DDC: variants seen among roughly 807,000 people sequenced by gnomAD.
DDC encodes the protein aromatic-L-amino-acid decarboxylase.
A neutral mutation model predicts 60.0 loss-of-function variants in DDC; 43 were observed. The ratio of observed to expected loss-of-function variants is 0.72; its 90% confidence interval spans 0.56 to 0.92. DDC has a LOEUF of 0.92. Among genes scored for constraint, DDC ranks in the 40% least tolerant of loss-of-function variants. DDC has a pLI of 0.00. For missense variants in DDC, 573 were observed against 620.2 expected (o/e 0.92, Z 0.81); for synonymous variants, 232 against 234.6 (o/e 0.99, Z 0.10).
intron 9 of DDC, chr7:50,492,514 C>CTT (rs2043019174): frequency 5.2e-6 from 1 of 190,586 alleles, no homozygotes; most frequent in East Asian, 1.5e-4. Context: ...CCTTTCAAGC[C>CTT]CATAGGAAGG....
rs369615710 is a variant in DDC, at chr7:50,539,864, G to A, written c.315+51C>T. 7.5e-5 allele frequency: 107 copies of A among 1,433,638 alleles called. 1 individual carries two copies. The highest frequency in any genetic ancestry group is 5.3e-4 in the African/African-American group (38 of 71,112). 88.8% of individuals were successfully genotyped at this position (1,433,638 alleles called of 1,614,324 possible). A position where few individuals can be genotyped will look rare whatever the true frequency, so the allele number is the denominator to read the frequency against. On this transcript the variant is annotated intron_variant, in intron 3 of 14. Coordinates refer to ENST00000444124, the MANE Select transcript of DDC (RefSeq NM_001082971.2). ...TGCATAGGTACCGTGTCCCCACCCC[G>A]GGATCCCACCACAGCCAGGACCCCT...
intron 1 of DDC, chr7:50,560,978 G>C (rs1052791785): frequency 1.3e-5 from 2 of 152,150 alleles, no homozygotes; most frequent in African/African-American, 4.8e-5. Flanking sequence ...CAGAGAGCTG[G>C]ACGCGTGAGC....
intron 9 of DDC, among the ~76,000 whole-genome samples, chr7:50,490,260 C>T (rs1217243176): frequency 6.6e-6 from 1 of 152,212 alleles, no homozygotes; most frequent in Non-Finnish European, 1.5e-5. Context: ...ATGTCACTTT[C>T]TAACAGGGCT....
chr7:50,543,686 C>T (rs1236783979), intron 2 of DDC, among the ~76,000 whole-genome samples, 199 bp downstream of exon 2: 1 of 152,204 alleles, frequency 6.6e-6, no homozygotes. Flanking sequence ...TCATCGTGTA[C>T]TACCTGTGTG....
At chr7:50,467,021 C>T (rs546450355) in intron 13 of DDC, among the ~76,000 whole-genome samples, 193 bp downstream of exon 13, 15 of 152,324 alleles carry the variant, frequency 9.8e-5, no homozygotes, top group African/African-American at 2.9e-4. Flanking sequence ...CTTGAGGAAG[C>T]GGGAACAGCC....
At chr7:50,519,539 A>T (rs556351493) in intron 6 of DDC, among the ~76,000 whole-genome samples, 1 of 152,370 alleles carries the variant, frequency 6.6e-6, no homozygotes, top group East Asian at 1.9e-4. Flanking sequence ...GTATATATAC[A>T]TACAATGGAA....
At chr7:50,517,825 TAAAAAA>T (rs59421951) in intron 6 of DDC, among the ~76,000 whole-genome samples, 2 of 76,196 alleles carry the variant, frequency 2.6e-5, no homozygotes, top group Non-Finnish European at 5.4e-5. Flanking sequence ...TTATAATAGC[TAAAAAA>T]AAAAAAAAAA....
intron 7 of DDC, 136 bp from the exon 8 acceptor site, chr7:50,499,378 CA>C: frequency 1.4e-6 from 1 of 701,500 alleles, no homozygotes; most frequent in Non-Finnish European, 2.6e-6. Flanking sequence ...GCTGAATCCC[CA>C]AAAGGCCCCC....
At chr7:50,489,199 G>T (rs960868991) in intron 9 of DDC, among the ~76,000 whole-genome samples, 6 of 152,022 alleles carry the variant, frequency 3.9e-5, no homozygotes, top group Non-Finnish European at 8.8e-5. Flanking sequence ...TAGAGATAAG[G>T]TCTCACCATG....
intron 4 of DDC, among the ~76,000 whole-genome samples, chr7:50,535,701 C>T (rs922984363): frequency 2.0e-5 from 3 of 152,216 alleles, no homozygotes; most frequent in Non-Finnish European, 2.9e-5. Context: ...CCCTCCATGA[C>T]TCTGAAGCAC....
chr7:50,564,499 A>G lies in DDC; in HGVS notation c.-29+786T>C, dbSNP rs73342867. On this transcript the variant is annotated intron_variant, in intron 1 of 14. Coordinates refer to ENST00000444124, the MANE Select transcript of DDC (RefSeq NM_001082971.2). The stretch of plus-strand genomic sequence containing the variant: ...AGGCAAACCTTCTAGACAGAGCCCA[A>G]TGTAAACTGACCACTCAGAAGTAAT... Among the ~76,000 whole-genome samples the G allele has an allele frequency of 8.3e-3, 1,258 of 152,350 alleles. 20 individuals are homozygous for G. The highest frequency in any genetic ancestry group is 0.029 in the African/African-American group (1,207 of 41,578).
intron 14 of DDC, 61 bp downstream of exon 14, chr7:50,463,152 A>T: frequency 7.2e-7 from 1 of 1,393,206 alleles, no homozygotes; most frequent in Non-Finnish European, 9.9e-7. Flanking sequence ...TCTGGACTCC[A>T]GGAGGACACT....
intron 6 of DDC, among the ~76,000 whole-genome samples, chr7:50,508,618 C>T (rs1481201047): frequency 6.6e-6 from 1 of 152,220 alleles, no homozygotes; most frequent in African/African-American, 2.4e-5. Context: ...TGGTTCAAAC[C>T]CTGCCAAATG....
At chr7:50,480,509 G>A (rs1045387189) in intron 9 of DDC, among the ~76,000 whole-genome samples, 5 of 152,184 alleles carry the variant, frequency 3.3e-5, no homozygotes, top group African/African-American at 9.7e-5. Flanking sequence ...TTGTAGCCAC[G>A]GTGGACAGAA....
chr7:50,499,014 C>G, intron 8 of DDC, 134 bp downstream of exon 8: 3 of 741,488 alleles, frequency 4.0e-6, no homozygotes, highest in Middle Eastern at 2.4e-4. Context: ...CTGAGGAAGT[C>G]GGAATTGGTT....
intron 13 of DDC, 117 bp downstream of exon 13, chr7:50,467,097 C>CTTTG: frequency 1.0e-6 from 1 of 968,644 alleles, no homozygotes; most frequent in Non-Finnish European, 1.7e-6. Flanking sequence ...AGAATGCAGG[C>CTTTG]TTTGCTCTGC....
chr7:50,460,721 C>T (rs973819903), intron 14 of DDC, among the ~76,000 whole-genome samples: 4 of 151,622 alleles, frequency 2.6e-5, no homozygotes, highest in African/African-American at 4.9e-5. Context: ...ATTCTTCTGC[C>T]TCGTGATCCT....
chr7:50,488,077 C>T (rs779975482), intron 9 of DDC, among the ~76,000 whole-genome samples: 1 of 151,908 alleles, frequency 6.6e-6, no homozygotes, highest in African/African-American at 2.4e-5. Flanking sequence ...ACCTGAAATT[C>T]GCAGGCTATA....
intron 8 of DDC, among the ~76,000 whole-genome samples, chr7:50,496,547 C>A (rs2043131393): frequency 6.6e-6 from 1 of 152,086 alleles, no homozygotes; most frequent in Non-Finnish European, 1.5e-5. Flanking sequence ...TTTAAACCAC[C>A]AAGAGTGGCA....
Sources: allele counts gnomAD v4.1 joint callset (sites outside exome capture counted in the v4.1 genomes callset), GRCh38; gene constraint gnomAD v4.1.1; transcripts MANE v1.5; gene names NCBI Gene and HGNC (gene_info 2026-07-23, HGNC 2026-07-21).